PLXDC2: variants seen among roughly 807,000 people sequenced by gnomAD.
PLXDC2 encodes plexin domain-containing protein 2.
PLXDC2 carries 40 observed loss-of-function variants against 68.9 expected under a neutral mutation model. That is an observed-to-expected ratio of 0.58 (90% CI 0.45 to 0.76). PLXDC2 has a LOEUF of 0.76. Among genes scored for constraint, PLXDC2 ranks in the 30% least tolerant of loss-of-function variants. The pLI, the probability that PLXDC2 is intolerant of heterozygous loss-of-function variation, is 0.00. For synonymous variants in PLXDC2, 243 were observed against 234.2 expected, an observed-to-expected ratio of 1.04 and a Z score of -0.34; for missense variants, 644 against 661.9, an observed-to-expected ratio of 0.97 and a Z score of 0.30.
chr10:19,879,305 G>C (rs190743881), intron 1 of PLXDC2, among the ~76,000 whole-genome samples: 2 of 152,244 alleles, frequency 1.3e-5, no homozygotes, highest in East Asian at 1.9e-4. Flanking sequence ...AATACTATGA[G>C]AGTATCAGAG....
intron 9 of PLXDC2, among the ~76,000 whole-genome samples, chr10:20,209,638 A>G (rs1172114702): frequency 6.6e-6 from 1 of 152,152 alleles, no homozygotes; most frequent in Non-Finnish European, 1.5e-5. Context: ...TCAGAGTTTA[A>G]GGTTATCTCT....
intron 4 of PLXDC2, among the ~76,000 whole-genome samples, chr10:20,120,196 T>C (rs1179153015): frequency 6.6e-6 from 1 of 152,114 alleles, no homozygotes; most frequent in Non-Finnish European, 1.5e-5. Flanking sequence ...AGAGTCTAAG[T>C]TGGTCTGGTG....
intron 1 of PLXDC2, among the ~76,000 whole-genome samples, chr10:19,913,536 A>G (rs1384136708): frequency 6.6e-6 from 1 of 152,152 alleles, no homozygotes. Context: ...TCAAATTTCA[A>G]CTCTTTTATT....
chr10:19,895,296 G>A (rs1178397273), intron 1 of PLXDC2, among the ~76,000 whole-genome samples: 1 of 152,096 alleles, frequency 6.6e-6, no homozygotes, highest in African/African-American at 2.4e-5. Context: ...CAGGTAAAGA[G>A]GACAGAAGTG....
intron 1 of PLXDC2, among the ~76,000 whole-genome samples, chr10:19,916,048 A>G (rs757902060): frequency 6.6e-6 from 1 of 151,942 alleles, no homozygotes; most frequent in Non-Finnish European, 1.5e-5. Context: ...TCTGACTTGG[A>G]AATGCTCTGT....
intron 4 of PLXDC2, among the ~76,000 whole-genome samples, chr10:20,114,664 A>G (rs1833599923): frequency 6.6e-6 from 1 of 152,236 alleles, no homozygotes; most frequent in South Asian, 2.1e-4. Context: ...GAAGCTTAAA[A>G]GATGAATAGG....
intron 12 of PLXDC2, among the ~76,000 whole-genome samples, chr10:20,241,051 A>T (rs1484134791): frequency 1.3e-5 from 2 of 152,198 alleles, no homozygotes; most frequent in Admixed American, 1.3e-4. Context: ...GGTTATTTGG[A>T]TAGTAATAAA....
chr10:20,244,775 A>G (rs1042908959), intron 12 of PLXDC2, among the ~76,000 whole-genome samples: 4 of 152,230 alleles, frequency 2.6e-5, no homozygotes, highest in Non-Finnish European at 5.9e-5. Context: ...GGTTTCCCAC[A>G]GTACTTTGAG....
At chr10:19,886,693 C>T (rs1490188818) in intron 1 of PLXDC2, among the ~76,000 whole-genome samples, 1 of 152,178 alleles carries the variant, frequency 6.6e-6, no homozygotes, top group Non-Finnish European at 1.5e-5. Context: ...AAACTGGAAG[C>T]ATTCCCTTTG....
At chr10:19,846,664 G>A (rs1287400831) in intron 1 of PLXDC2, among the ~76,000 whole-genome samples, 1 of 152,032 alleles carries the variant, frequency 6.6e-6, no homozygotes, top group Non-Finnish European at 1.5e-5. Context: ...TAACTCCTTT[G>A]GGAGCCAATG....
rs182784036 is a variant in PLXDC2 at position 20,147,016 on chromosome 10, T to A, written c.665-768T>A. On this transcript the variant is annotated intron_variant, in intron 5 of 13. Transcript: ENST00000377252. Reference sequence around the variant, plus strand: ...AGCAGCTCATTTCTTTTCTTTTTTTTTAAAAAAAGAGAGTACACAATGTCA... The same window carrying A: ...AGCAGCTCATTTCTTTTCTTTTTTTATAAAAAAAGAGAGTACACAATGTCA... Among the ~76,000 whole-genome samples, 703 of 152,000 alleles carry A rather than the reference T, an allele frequency of 4.6e-3. 11 individuals are homozygous for A. Among genetic ancestry groups the A allele is most frequent in the East Asian group, 0.012 (63 of 5,176 alleles).
At chr10:19,943,041 C>T (rs1397968033) in intron 1 of PLXDC2, among the ~76,000 whole-genome samples, 1 of 152,186 alleles carries the variant, frequency 6.6e-6, no homozygotes, top group Non-Finnish European at 1.5e-5. Flanking sequence ...GTCTCTTTGT[C>T]ATGCACTTAC....
At chr10:19,932,180 G>A (rs1377010535) in intron 1 of PLXDC2, among the ~76,000 whole-genome samples, 1 of 152,190 alleles carries the variant, frequency 6.6e-6, no homozygotes, top group African/African-American at 2.4e-5. Context: ...TGTTGACAAA[G>A]TACCAGAAAC....
chr10:19,832,793 G>A (rs1294994645), intron 1 of PLXDC2, among the ~76,000 whole-genome samples: 2 of 152,198 alleles, frequency 1.3e-5, no homozygotes, highest in African/African-American at 4.8e-5. Flanking sequence ...AGAGTCCCGC[G>A]GAGGTGTGTG....
At chr10:19,887,571 G>A (rs1349956939) in intron 1 of PLXDC2, among the ~76,000 whole-genome samples, 1 of 151,996 alleles carries the variant, frequency 6.6e-6, no homozygotes, top group Non-Finnish European at 1.5e-5. Context: ...CGAAGACTTG[G>A]AAAATAATTT....
chr10:19,932,771 G>A (rs114716799), intron 1 of PLXDC2, among the ~76,000 whole-genome samples: 2 of 152,246 alleles, frequency 1.3e-5, no homozygotes, highest in African/African-American at 2.4e-5. Flanking sequence ...CATTCTTTCT[G>A]AGCATGTTTG....
intron 1 of PLXDC2, among the ~76,000 whole-genome samples, chr10:19,933,039 C>G (rs1833666647): frequency 6.6e-6 from 1 of 152,136 alleles, no homozygotes; most frequent in Non-Finnish European, 1.5e-5. Context: ...AGAAGAAAAT[C>G]AGTGTCAAAC....
intron 2 of PLXDC2, among the ~76,000 whole-genome samples, chr10:20,026,531 G>A (rs78346964): frequency 6.6e-6 from 1 of 152,080 alleles, no homozygotes; most frequent in Non-Finnish European, 1.5e-5. Context: ...TAAGGATAAA[G>A]TACGATGGAT....
At chr10:20,223,862 A>G (rs1228062240) in intron 12 of PLXDC2, among the ~76,000 whole-genome samples, 1 of 151,924 alleles carries the variant, frequency 6.6e-6, no homozygotes, top group African/African-American at 2.4e-5. Context: ...TTACAGCTCT[A>G]TGCTCTAGTT....
Sources: gnomAD v4.1 joint callset for allele counts (sites outside exome capture counted in the v4.1 genomes callset) on GRCh38, gnomAD v4.1.1 for gene constraint, MANE v1.5 for transcripts, NCBI Gene and HGNC (gene_info 2026-07-23, HGNC 2026-07-21) for gene names.